The following CCNB2 variants were observed in gnomAD, a reference collection of about 807,000 sequenced individuals.
CCNB2 encodes G2/mitotic-specific cyclin-B2.
CCNB2 carries 39 observed loss-of-function variants against 51.1 expected under a neutral mutation model. The ratio of observed to expected loss-of-function variants is 0.76; its 90% CI spans 0.59 to 1.00. The LOEUF is 1.00. Ranked by LOEUF, CCNB2 falls within the 50% of genes least tolerant of loss-of-function variation. The probability of loss-of-function intolerance (pLI) is 0.00; values close to 1 mark genes in which losing one functional copy is unlikely to be tolerated. For missense variants in CCNB2, 472 were observed against 470.3 expected (o/e 1.00, Z -0.03); for synonymous variants, 174 against 165.5 (o/e 1.05, Z -0.40).
chr15:59,113,913 G>A (rs1221016067), intron 3 of CCNB2, among the ~76,000 whole-genome samples: 1 of 152,206 alleles, frequency 6.6e-6, no homozygotes, highest in African/African-American at 2.4e-5. Context: ...TATTGGCCAG[G>A]CTGGTCTTGA....
chr15:59,121,845 T>C (rs1191301260), intron 7 of CCNB2, among the ~76,000 whole-genome samples: 1 of 146,780 alleles, frequency 6.8e-6, no homozygotes, highest in Non-Finnish European at 1.5e-5. Context: ...GACACGAGAA[T>C]TGCCTAAACC....
At chr15:59,117,499 C>CAAA in intron 7 of CCNB2, 131 bp downstream of exon 7, 4 of 920,686 alleles carry the variant, frequency 4.3e-6, no homozygotes, top group Non-Finnish European at 6.5e-6. Flanking sequence ...GACAGGGTCT[C>CAAA]ATTCTGTCAC....
At position 59,114,614 on chromosome 15, in the gene CCNB2, G is replaced by T; in HGVS notation, c.438G>T (p.Glu146Asp). ...KDIYQYLRQL[E>D]VLQSINPHFL... ...TCTATCAGTATCTCAGGCAGCTGGAGGTAGGTGGGCCTTTGTGTTTTGGTT... is the reference window on the plus strand; with the variant it reads ...TCTATCAGTATCTCAGGCAGCTGGATGTAGGTGGGCCTTTGTGTTTTGGTT... The change falls in exon 4 of 9, where the codon GAG becomes GAT. Residue 146 changes from glutamate to aspartate, a missense_variant and splice_region_variant. By Grantham distance (45) the Glu-to-Asp change is conservative. Coordinates refer to ENST00000288207, the MANE Select transcript of CCNB2 (RefSeq NM_004701.4). 1 of 1,589,902 alleles carries T rather than the reference G, an allele frequency of 6.3e-7. No individual in the cohort carries two copies. The highest frequency in any genetic ancestry group is 8.6e-7 in the Non-Finnish European group (1 of 1,164,044).
rs559386008 is a variant in CCNB2 at position 59,107,546 on chromosome 15, T to C, written c.154-11T>C. 3.7e-6 allele frequency: 6 copies of C among 1,614,010 alleles called. No homozygotes were observed. The highest frequency in any genetic ancestry group is 5.1e-6 in the Non-Finnish European group (6 of 1,179,994). On this transcript the variant is annotated splice_polypyrimidine_tract_variant and intron_variant, in intron 2 of 8. Coordinates refer to ENST00000288207, the MANE Select transcript of CCNB2 (RefSeq NM_004701.4). Reference sequence around the variant, plus strand: ...CTGTCTTGCGCTATTCATGTTTCTTTTTCCTTATAGAAAGCTCAGAACACC... The same window carrying C: ...CTGTCTTGCGCTATTCATGTTTCTTCTTCCTTATAGAAAGCTCAGAACACC...
At chr15:59,124,354 G>C (rs777352159) in intron 8 of CCNB2, 3 of 212,912 alleles carry the variant, frequency 1.4e-5, no homozygotes, top group Admixed American at 1.1e-4. Context: ...GACTGTCTGG[G>C]ATTTGTTAAG....
At chr15:59,124,049 G>C (rs2079314769) in intron 8 of CCNB2, 1 of 163,950 alleles carries the variant, frequency 6.1e-6, no homozygotes. Context: ...CAGAGCCTTT[G>C]TCCAGGGTCT....
chr15:59,115,259 C>T (rs970736635), intron 5 of CCNB2, among the ~76,000 whole-genome samples: 2 of 152,084 alleles, frequency 1.3e-5, no homozygotes, highest in African/African-American at 2.4e-5. Flanking sequence ...GTTAAGTTTC[C>T]TCATCTGAAA....
intron 3 of CCNB2, among the ~76,000 whole-genome samples, chr15:59,109,175 C>T (rs113771924): frequency 6.6e-5 from 10 of 152,238 alleles, no homozygotes; most frequent in African/African-American, 9.6e-5. Context: ...CTCAGCCTCC[C>T]GAGTAGCTGG....
intron 3 of CCNB2, among the ~76,000 whole-genome samples, chr15:59,111,797 C>G (rs2079258191): frequency 6.6e-6 from 1 of 151,766 alleles, no homozygotes; most frequent in South Asian, 2.1e-4. Context: ...CTCATTTGTT[C>G]TAGCTCCTTG....
intron 5 of CCNB2, 118 bp from the exon 6 acceptor site, chr15:59,116,571 GC>G (rs2079279576): frequency 2.1e-6 from 1 of 487,752 alleles, no homozygotes; most frequent in Admixed American, 3.7e-5. Context: ...GGTCTCCTGT[GC>G]CCTTATGAGC....
At chr15:59,110,581 C>T (rs574612004) in intron 3 of CCNB2, among the ~76,000 whole-genome samples, 1 of 152,286 alleles carries the variant, frequency 6.6e-6, no homozygotes, top group African/African-American at 2.4e-5. Context: ...CACTTGAGTG[C>T]ACAGGTTTCT....
In CCNB2 at chr15:59,116,700, T is replaced by TTTC. The variant is rs754041645; in HGVS notation, c.609_611dup (p.Ser204dup). ...TTAATTTTCCATTAGGTTCAGCCAG[T>TTTC]TTCCCGGAAGAAGCTTCAATTAGTT... On this transcript the variant is annotated inframe_insertion, in exon 6 of 9. Coordinates refer to ENST00000288207, the MANE Select transcript of CCNB2 (RefSeq NM_004701.4). The TTTC allele has an allele frequency of 1.2e-6, 2 of 1,609,818 alleles. No individual in the cohort carries two copies. Among genetic ancestry groups the TTTC allele is most frequent in the Admixed American group, 3.3e-5 (2 of 59,946 alleles).
intron 7 of CCNB2, among the ~76,000 whole-genome samples, chr15:59,119,882 T>G (rs2079295135): frequency 6.6e-6 from 1 of 151,994 alleles, no homozygotes; most frequent in South Asian, 2.1e-4. Flanking sequence ...AATTTTAAAG[T>G]TTTTTTGTAG....
rs145874658 is a variant in CCNB2, at chr15:59,120,048, C to A, written c.975+2680C>A. Among the ~76,000 whole-genome samples, 578 of 152,174 alleles carry A rather than the reference C, an allele frequency of 3.8e-3. 7 individuals are homozygous for A. The highest frequency in any genetic ancestry group is 0.013 in the African/African-American group (537 of 41,516). ...TAACAATTAAAAACAAAAGGTTAGT[C>A]CTCACGTAGGAAATAGCAAAACAAA... On this transcript the variant is annotated intron_variant, in intron 7 of 8. Transcript: ENST00000288207.
chr15:59,107,056 G>A (rs900557442), intron 1 of CCNB2, among the ~76,000 whole-genome samples: 18 of 152,194 alleles, frequency 1.2e-4, no homozygotes, highest in African/African-American at 4.1e-4. Flanking sequence ...TCTCTTACAG[G>A]CCCACTTGAA....
Position 59,114,461 on chromosome 15 carries a change from T to G in CCNB2, c.285T>G (p.Pro95=), listed in dbSNP as rs781616153. The change falls in exon 4 of 9, where the codon CCT becomes CCG. Residue 95 remains proline (P), a synonymous_variant. Transcript: ENST00000288207. ...KLAPKGPSPT[P]EDVSMKEENL... ...TGGTGTAGGGTCCTTCTCCCACACCTGAGGATGTCTCCATGAAGGAAGAGA... is the reference window on the plus strand; with the variant it reads ...TGGTGTAGGGTCCTTCTCCCACACCGGAGGATGTCTCCATGAAGGAAGAGA... The G allele has an allele frequency of 1.4e-5, 23 of 1,608,070 alleles. No homozygotes were observed. In the African/African-American group the frequency reaches 2.7e-4, roughly 19 times the overall value.
chr15:59,124,719 A>G (rs1214073720), intron 8 of CCNB2, 48 bp from the exon 9 acceptor site: 1 of 1,225,570 alleles, frequency 8.2e-7, no homozygotes, highest in East Asian at 2.3e-5. Context: ...GGAATAAGGT[A>G]TCATTGGGGG....
chr15:59,109,816 C>G (rs1172941770), intron 3 of CCNB2, among the ~76,000 whole-genome samples: 1 of 152,102 alleles, frequency 6.6e-6, no homozygotes, highest in East Asian at 1.9e-4. Flanking sequence ...AAAACCCCGT[C>G]TCTACTAAAA....
intron 7 of CCNB2, 128 bp downstream of exon 7, chr15:59,117,496 T>C: frequency 2.1e-6 from 2 of 952,482 alleles, no homozygotes; most frequent in Non-Finnish European, 1.6e-6. Flanking sequence ...TGAGACAGGG[T>C]CTCATTCTGT....
Sources: allele counts gnomAD v4.1 joint callset (sites outside exome capture counted in the v4.1 genomes callset), GRCh38; gene constraint gnomAD v4.1.1; transcripts MANE v1.5; gene names NCBI Gene and HGNC (gene_info 2026-07-23, HGNC 2026-07-21).